ARMC9: variants seen among roughly 807,000 people sequenced by gnomAD.
The protein encoded by ARMC9 is lisH domain-containing protein ARMC9.
A neutral mutation model predicts 107.0 loss-of-function variants in ARMC9; 94 were observed. That is an observed-to-expected ratio of 0.88 (90% CI 0.74 to 1.04). The LOEUF is 1.04. Among genes scored for constraint, ARMC9 ranks in the 50% least tolerant of loss-of-function variants. The pLI, the probability that ARMC9 is intolerant of heterozygous loss-of-function variation, is 0.00. For missense variants in ARMC9, 942 were observed against 1,030.1 expected, an observed-to-expected ratio of 0.91 and a Z score of 1.17; for synonymous variants, 380 against 396.9, an observed-to-expected ratio of 0.96 and a Z score of 0.51.
At chr2:231,216,610 C>T in intron 4 of ARMC9, 28 bp from the exon 5 acceptor site, 1 of 1,607,894 alleles carries the variant, frequency 6.2e-7, no homozygotes, top group African/African-American at 1.3e-5. Context: ...ATCTGGAGAC[C>T]TCAAACAAGT....
intron 19 of ARMC9, among the ~76,000 whole-genome samples, chr2:231,328,463 T>A (rs2043482227): frequency 6.6e-6 from 1 of 152,210 alleles, no homozygotes; most frequent in African/African-American, 2.4e-5. Flanking sequence ...AATGTGTTAG[T>A]TTTACGTTTA....
At chr2:231,355,624 G>C (rs1415177490) in intron 21 of ARMC9, among the ~76,000 whole-genome samples, 174 bp from the exon 22 acceptor site, 1 of 152,222 alleles carries the variant, frequency 6.6e-6, no homozygotes, top group East Asian at 1.9e-4. Context: ...TGCCTCACAG[G>C]GTCAGCCTCC....
chr2:231,283,282 G>A (rs1430059030), intron 17 of ARMC9, among the ~76,000 whole-genome samples: 1 of 152,164 alleles, frequency 6.6e-6, no homozygotes, highest in Non-Finnish European at 1.5e-5. Context: ...AAAAATGATT[G>A]AATAAATAAT....
rs2697743 is a variant in ARMC9, at chr2:231,358,034, G to C, written c.2131+2100G>C. On this transcript the variant is annotated intron_variant, in intron 22 of 24. Transcript: ENST00000611582. The surrounding 1 kb of genome is among the most constrained non-coding windows in gnomAD (Gnocchi z 4.5). ...GACAGGCCTGCCCACGGCCTGTTGC[G>C]TCTCCCCAGTTGGCCTCCCTGCCCC... 0.018 allele frequency among the ~76,000 whole-genome samples: 2,795 copies of C among 152,188 alleles called. 42 individuals are homozygous for C. The highest frequency in any genetic ancestry group is 0.054 in the Middle Eastern group (16 of 294).
In ARMC9 at chr2:231,203,057, G is replaced by A. The variant is rs540385778; in HGVS notation, c.-41-3141G>A. Among the ~76,000 whole-genome samples, 10 of 152,280 alleles carry A rather than the reference G, an allele frequency of 6.6e-5. No homozygotes were observed. In the South Asian group the frequency reaches 2.1e-3, roughly 32 times the overall value. On this transcript the variant is annotated intron_variant, in intron 1 of 24. Transcript: ENST00000611582. The stretch of plus-strand genomic sequence containing the variant: ...TTAAAAACTCTTAGTCTGTAGGAGA[G>A]TGTGGCTCTGACCTAACTCGGTCGG...
At chr2:231,354,810 G>A (rs966506714) in intron 21 of ARMC9, among the ~76,000 whole-genome samples, 7 of 152,220 alleles carry the variant, frequency 4.6e-5, no homozygotes, top group Non-Finnish European at 1.5e-5. Flanking sequence ...GTTGAAGGGG[G>A]AGCGAGGGCT....
Position 231,282,126 on chromosome 2 carries a change from G to A in ARMC9, c.1619G>A (p.Arg540Lys), listed in dbSNP as rs771718132. The A allele has an allele frequency of 1.9e-6, 3 of 1,614,132 alleles. No homozygotes were observed. Among genetic ancestry groups the A allele is most frequent in the Non-Finnish European group, 8.5e-7 (1 of 1,179,988 alleles). Reference sequence around the variant, plus strand: ...GTTCCATCCATTCGTGAGGAAGCAAGAGCAATGGTAAGAAAGCGTGCCTGA... The same window carrying A: ...GTTCCATCCATTCGTGAGGAAGCAAAAGCAATGGTAAGAAAGCGTGCCTGA... ...LSVPSIREEA[R>K]AMGMEDILRC... Residue 540 changes from arginine (R) to lysine (K), a missense_variant, in exon 17 of 25, where the codon AGA becomes AAA. Arg to Lys is a conservative substitution (Grantham distance 26). Transcript: ENST00000611582.
At chr2:231,304,512 T>C (rs1367312836) in intron 19 of ARMC9, among the ~76,000 whole-genome samples, 1 of 152,198 alleles carries the variant, frequency 6.6e-6, no homozygotes, top group Non-Finnish European at 1.5e-5. Flanking sequence ...TTCTTTTGCC[T>C]CAGCCTCCCA....
rs1321523898 is a variant in ARMC9, at chr2:231,373,362, G to T, written c.*1827G>T. The T allele has an allele frequency of 1.3e-5, 2 of 152,264 alleles. No individual in the cohort carries two copies. Among genetic ancestry groups the T allele is most frequent in the African/African-American group, 4.8e-5 (2 of 41,448 alleles). The allele number at this position is 152,264 out of a possible 1,614,324, so 9.4% of individuals were successfully genotyped here. A position where few individuals can be genotyped will look rare whatever the true frequency, so the allele number is the denominator to read the frequency against. On this transcript the variant is annotated 3_prime_UTR_variant, in exon 25 of 25. Coordinates refer to ENST00000611582, the MANE Select transcript of ARMC9 (RefSeq NM_001352754.2). The surrounding 1 kb of genome is among the most constrained non-coding windows in gnomAD (Gnocchi z 4.4). ...CCCACAAGAAGTCCACTCCCCTACG[G>T]ATTCCTCAGATGCCACTGGCTGGCA...
At chr2:231,282,919 A>G (rs1574939784) in intron 17 of ARMC9, among the ~76,000 whole-genome samples, 1 of 152,214 alleles carries the variant, frequency 6.6e-6, no homozygotes, top group East Asian at 1.9e-4. Flanking sequence ...ATTCTGCGTT[A>G]TGGTCATTTA....
chr2:231,286,754 A>G (rs555215936), intron 17 of ARMC9, among the ~76,000 whole-genome samples: 10 of 152,362 alleles, frequency 6.6e-5, no homozygotes, highest in African/African-American at 2.4e-4. Context: ...AAAGCACAGT[A>G]TCTAAGAATG....
chr2:231,356,037 G>C, intron 22 of ARMC9, 103 bp downstream of exon 22: 1 of 1,410,598 alleles, frequency 7.1e-7, no homozygotes, highest in South Asian at 1.4e-5. Context: ...CTCCTGGGAA[G>C]CCCTCTGGTC....
At chr2:231,271,152 C>A in intron 13 of ARMC9, 80 bp downstream of exon 13, 3 of 1,390,612 alleles carry the variant, frequency 2.2e-6, no homozygotes, top group South Asian at 1.2e-5. Context: ...GCGTTCCTCC[C>A]AAGTTTCTTA....
chr2:231,336,308 T>A (rs1482545926), intron 20 of ARMC9, among the ~76,000 whole-genome samples: 1 of 152,094 alleles, frequency 6.6e-6, no homozygotes, highest in African/African-American at 2.4e-5. Flanking sequence ...CTGTGCTGAC[T>A]GCTTCACACA....
At chr2:231,215,815 G>A (rs886365953) in intron 4 of ARMC9, among the ~76,000 whole-genome samples, 4 of 152,212 alleles carry the variant, frequency 2.6e-5, no homozygotes, top group Non-Finnish European at 4.4e-5. Flanking sequence ...TGTGGTAGCC[G>A]TTGTTGGAAG....
intron 5 of ARMC9, among the ~76,000 whole-genome samples, chr2:231,220,312 T>G (rs1364111082): frequency 6.6e-6 from 1 of 152,148 alleles, no homozygotes; most frequent in African/African-American, 2.4e-5. Flanking sequence ...CATTAAAACT[T>G]TAGGCCAGGT....
chr2:231,263,262 G>A (rs1239374884), intron 12 of ARMC9, among the ~76,000 whole-genome samples: 1 of 152,226 alleles, frequency 6.6e-6, no homozygotes, highest in Non-Finnish European at 1.5e-5. Flanking sequence ...CGATTAAACA[G>A]CTGTCTTAGG....
At chr2:231,249,773 C>G (rs190067323) in intron 9 of ARMC9, among the ~76,000 whole-genome samples, 2 of 152,146 alleles carry the variant, frequency 1.3e-5, no homozygotes, top group East Asian at 3.9e-4. Flanking sequence ...CTGCATTTGA[C>G]CCAGACATCT....
At chr2:231,220,596 CAAA>C (rs71396668) in intron 5 of ARMC9, among the ~76,000 whole-genome samples, 33 of 66,156 alleles carry the variant, frequency 5.0e-4, no homozygotes, top group African/African-American at 1.5e-3. Context: ...GACTCCATCT[CAAA>C]AAAAAAAAAA....
Sources: allele counts gnomAD v4.1 joint callset (sites outside exome capture counted in the v4.1 genomes callset), GRCh38; gene constraint gnomAD v4.1.1; non-coding constraint Gnocchi (gnomAD v3.1); transcripts MANE v1.5; gene names NCBI Gene and HGNC (gene_info 2026-07-23, HGNC 2026-07-21).